Variants in TLK1 observed in about 807,000 individuals in gnomAD.
TLK1 encodes the protein tousled like kinase 1.
Under a neutral mutation model 105.3 loss-of-function variants are expected in TLK1, and 24 were observed. That is an observed-to-expected ratio of 0.23 (90% confidence interval 0.17 to 0.32). TLK1 has a LOEUF of 0.32. Among genes scored for constraint, TLK1 ranks in the 10% least tolerant of loss-of-function variants. TLK1 has a pLI of 1.00. For synonymous variants in TLK1, 321 were observed against 310.4 expected, an observed-to-expected ratio of 1.03 and a Z score of -0.36; for missense variants, 558 against 910.5, an observed-to-expected ratio of 0.61 and a Z score of 4.98.
chr2:171,063,744 G>A (rs761010976), intron 3 of TLK1, among the ~76,000 whole-genome samples: 5 of 152,178 alleles, frequency 3.3e-5, no homozygotes, highest in Non-Finnish European at 7.3e-5. Flanking sequence ...AGGGTAAAAA[G>A]GGGTGAGTTC....
At chr2:171,205,731 C>T (rs899793572) in intron 1 of TLK1, among the ~76,000 whole-genome samples, 1 of 152,192 alleles carries the variant, frequency 6.6e-6, no homozygotes, top group African/African-American at 2.4e-5. Context: ...CACTTGGTAA[C>T]AGCTGTCCAT....
At chr2:171,019,990 T>G (rs111701267) in intron 12 of TLK1, among the ~76,000 whole-genome samples, 6 of 150,128 alleles carry the variant, frequency 4.0e-5, no homozygotes, top group African/African-American at 1.5e-4. Flanking sequence ...CCCAGGAAAC[T>G]GAGGTTGCAG....
chr2:171,113,984 A>T (rs182613085), intron 2 of TLK1, among the ~76,000 whole-genome samples: 12 of 152,326 alleles, frequency 7.9e-5, no homozygotes, highest in Non-Finnish European at 1.3e-4. Flanking sequence ...CATCCAAAAA[A>T]CAAAAATTAT....
At chr2:171,081,533 A>C in intron 3 of TLK1, 1 of 589,254 alleles carries the variant, frequency 1.7e-6, no homozygotes, top group Non-Finnish European at 2.5e-6. Context: ...TTTTTAAAAA[A>C]CTTTGACTAG....
chr2:170,999,828 G>A (rs562007167), intron 18 of TLK1, among the ~76,000 whole-genome samples: 16 of 151,886 alleles, frequency 1.1e-4, no homozygotes, highest in Admixed American at 6.6e-4. Context: ...GTGCGATCAC[G>A]GCTCACTGCA....
At chr2:171,143,197 A>G (rs1691654491) in intron 1 of TLK1, among the ~76,000 whole-genome samples, 1 of 152,228 alleles carries the variant, frequency 6.6e-6, no homozygotes, top group East Asian at 1.9e-4. Flanking sequence ...TGAATAGACA[A>G]GTAAGGTTAG....
chr2:171,141,102 T>A (rs1417659606), intron 1 of TLK1, among the ~76,000 whole-genome samples: 1 of 152,090 alleles, frequency 6.6e-6, no homozygotes, highest in Non-Finnish European at 1.5e-5. Flanking sequence ...AAAAAGGATG[T>A]AAGAAACATA....
At chr2:171,191,666 A>G (rs1693157682) in intron 1 of TLK1, among the ~76,000 whole-genome samples, 1 of 152,132 alleles carries the variant, frequency 6.6e-6, no homozygotes, top group Non-Finnish European at 1.5e-5. Flanking sequence ...ATTGAGTTTT[A>G]AATCATCTTA....
At chr2:171,048,121 G>C (rs561367511) in intron 10 of TLK1, among the ~76,000 whole-genome samples, 1 of 152,032 alleles carries the variant, frequency 6.6e-6, no homozygotes, top group African/African-American at 2.4e-5. Context: ...GCTAATTTTT[G>C]TATTTTCAGT....
chr2:171,211,345 G>T (rs1423779035), intron 1 of TLK1, among the ~76,000 whole-genome samples: 1 of 152,216 alleles, frequency 6.6e-6, no homozygotes, highest in Non-Finnish European at 1.5e-5. Context: ...CAAACCGTTT[G>T]TCACGGTAAG....
At chr2:171,089,560 T>C (rs1689133845) in intron 2 of TLK1, among the ~76,000 whole-genome samples, 2 of 152,242 alleles carry the variant, frequency 1.3e-5, no homozygotes, top group South Asian at 4.1e-4. Flanking sequence ...AATATCACCT[T>C]TGTCATAGAT....
chr2:171,126,113 A>T (rs1259975887), intron 1 of TLK1, among the ~76,000 whole-genome samples: 3 of 152,198 alleles, frequency 2.0e-5, no homozygotes, highest in Non-Finnish European at 2.9e-5. Flanking sequence ...AGCCCATTTC[A>T]AAGCACAACC....
chr2:171,188,122 T>C (rs532085640), intron 1 of TLK1, among the ~76,000 whole-genome samples: 2 of 152,344 alleles, frequency 1.3e-5, no homozygotes, highest in South Asian at 4.1e-4. Context: ...TCATCCCTTA[T>C]GTCAGATCTA....
chr2:171,203,921 G>A (rs186364153), intron 1 of TLK1, among the ~76,000 whole-genome samples: 102 of 152,076 alleles, frequency 6.7e-4, no homozygotes, highest in Middle Eastern at 3.4e-3. Context: ...GCGTGGTGGC[G>A]CACACCTGTA....
At chr2:171,101,609 A>T (rs1035981716) in intron 2 of TLK1, among the ~76,000 whole-genome samples, 2 of 152,214 alleles carry the variant, frequency 1.3e-5, no homozygotes, top group Non-Finnish European at 2.9e-5. Flanking sequence ...AAATATGTTA[A>T]ATGAGTCATT....
At chr2:171,108,857 A>G (rs1306731570) in intron 2 of TLK1, among the ~76,000 whole-genome samples, 5 of 152,116 alleles carry the variant, frequency 3.3e-5, no homozygotes, top group Non-Finnish European at 7.4e-5. Flanking sequence ...CCGCCTCCCA[A>G]AGTGCTGGGA....
chr2:171,060,977 TA>T (rs1414571287), intron 4 of TLK1, 103 bp downstream of exon 4: 3 of 1,176,316 alleles, frequency 2.6e-6, no homozygotes, highest in Non-Finnish European at 3.6e-6. Context: ...CACCAAAATT[TA>T]CAACTTCATA....
chr2:171,055,323 A>C, intron 6 of TLK1, 151 bp from the exon 7 acceptor site: 1 of 531,502 alleles, frequency 1.9e-6, no homozygotes, highest in Non-Finnish European at 3.2e-6. Flanking sequence ...GACTTTTAAA[A>C]CCTTTAATCA....
chr2:171,215,789 G>A (rs548313484), intron 1 of TLK1, among the ~76,000 whole-genome samples: 4 of 152,280 alleles, frequency 2.6e-5, no homozygotes, highest in Admixed American at 1.3e-4. Flanking sequence ...CCCACTCCTC[G>A]GAAGTTCGGT....
Sources: allele counts gnomAD v4.1 joint callset (sites outside exome capture counted in the v4.1 genomes callset), GRCh38; gene constraint gnomAD v4.1.1; transcripts MANE v1.5; gene names NCBI Gene and HGNC (gene_info 2026-07-23, HGNC 2026-07-21).